Variants in PPARD observed in about 807,000 individuals in gnomAD.
PPARD encodes the protein peroxisome proliferator-activated receptor delta.
In PPARD, 6 loss-of-function variants were observed where a neutral mutation model predicts 39.5. The observed-to-expected ratio is 0.15, with a 90% CI of 0.08 to 0.30. The LOEUF is 0.30. Ranked by LOEUF, PPARD falls within the 10% of genes least tolerant of loss-of-function variation. The probability of loss-of-function intolerance (pLI) is 1.00; values close to 1 mark genes in which losing one functional copy is unlikely to be tolerated. For missense variants in PPARD, 397 were observed against 596.8 expected (o/e 0.67, Z 3.49); for synonymous variants, 210 against 231.3 (o/e 0.91, Z 0.83).
chr6:35,400,282 C>T (rs564342862), intron 2 of PPARD, among the ~76,000 whole-genome samples: 4 of 152,318 alleles, frequency 2.6e-5, no homozygotes, highest in Admixed American at 6.5e-5. Flanking sequence ...CAGCCTTCGT[C>T]CCCTCACCTA....
intron 2 of PPARD, among the ~76,000 whole-genome samples, chr6:35,391,901 G>A (rs1026056547): frequency 2.0e-5 from 3 of 151,708 alleles, no homozygotes; most frequent in African/African-American, 7.3e-5. Context: ...TTTTGTCTGG[G>A]GACAAAGCCC....
At chr6:35,382,766 G>A (rs888278832) in intron 2 of PPARD, among the ~76,000 whole-genome samples, 8 of 152,186 alleles carry the variant, frequency 5.3e-5, no homozygotes, top group Admixed American at 2.0e-4. Context: ...AGGTTGTACT[G>A]TGACCCTGGG....
In PPARD at chr6:35,401,745, C is replaced by G. The variant is rs761196328; in HGVS notation, c.-101-9242C>G. 1.3e-5 allele frequency among the ~76,000 whole-genome samples: 2 copies of G among 152,192 alleles called. No homozygotes were observed. The highest frequency in any genetic ancestry group is 2.9e-5 in the Non-Finnish European group (2 of 68,048). ...TGCTTGGCATTTGTCCTTCATAGCCCTGGTCATTGCTGGCTAATGTAGCCT... is the reference window on the plus strand; with the variant it reads ...TGCTTGGCATTTGTCCTTCATAGCCGTGGTCATTGCTGGCTAATGTAGCCT... On this transcript the variant is annotated intron_variant, in intron 2 of 7. Transcript: ENST00000360694. This position sits in a 1 kb window ranked among gnomAD's most constrained non-coding sequence, Gnocchi z 4.1.
intron 2 of PPARD, among the ~76,000 whole-genome samples, chr6:35,378,319 C>A (rs936670034): frequency 6.6e-6 from 1 of 152,086 alleles, no homozygotes; most frequent in African/African-American, 2.4e-5. Context: ...GAGGCAAGTG[C>A]TGGGAGTGGT....
intron 5 of PPARD, 47 bp downstream of exon 5, chr6:35,422,005 C>A: frequency 6.4e-7 from 1 of 1,553,090 alleles, no homozygotes; most frequent in South Asian, 1.2e-5. Flanking sequence ...TCCACACAGC[C>A]TGAAACCAAG....
At chr6:35,397,332 C>G (rs1402261456) in intron 2 of PPARD, among the ~76,000 whole-genome samples, 1 of 150,922 alleles carries the variant, frequency 6.6e-6, no homozygotes, top group African/African-American at 2.5e-5. Flanking sequence ...AAAATGAAGC[C>G]CCCCCTCCCG....
intron 2 of PPARD, among the ~76,000 whole-genome samples, chr6:35,368,190 T>G (rs1762303096): frequency 6.6e-6 from 1 of 152,236 alleles, no homozygotes; most frequent in Non-Finnish European, 1.5e-5. Context: ...CCAAGATCAC[T>G]GTGTCTTAGG....
Position 35,426,103 on chromosome 6 carries a change from A to C in PPARD, c.*24A>C. On this transcript the variant is annotated 3_prime_UTR_variant, in exon 8 of 8. Coordinates refer to ENST00000360694, the MANE Select transcript of PPARD (RefSeq NM_006238.5). ...AACGGCGGCACCCAGGCCTCCCTGC[A>C]GACTCCAATGGGGCCAGCACTGGAG... The C allele has an allele frequency of 6.2e-7, 1 of 1,604,350 alleles. No individual in the cohort carries two copies. Among genetic ancestry groups the C allele is most frequent in the Non-Finnish European group, 8.5e-7 (1 of 1,178,224 alleles).
intron 1 of PPARD, among the ~76,000 whole-genome samples, chr6:35,346,215 G>A (rs917567547): frequency 6.6e-6 from 1 of 152,142 alleles, no homozygotes; most frequent in Non-Finnish European, 1.5e-5. Context: ...GCTATATCCT[G>A]TCCCTGAGGC....
intron 2 of PPARD, among the ~76,000 whole-genome samples, chr6:35,395,800 C>T (rs917060526): frequency 1.3e-5 from 2 of 152,144 alleles, no homozygotes; most frequent in Non-Finnish European, 2.9e-5. Flanking sequence ...CTTACTGGCT[C>T]CCGGCTCCCA....
chr6:35,351,763 C>T (rs1761265170), intron 2 of PPARD, among the ~76,000 whole-genome samples: 1 of 151,524 alleles, frequency 6.6e-6, no homozygotes, highest in Non-Finnish European at 1.5e-5. Flanking sequence ...GATCTTGCTA[C>T]ATCGACCAGG....
At chr6:35,383,955 C>A (rs1298551072) in intron 2 of PPARD, among the ~76,000 whole-genome samples, 2 of 131,194 alleles carry the variant, frequency 1.5e-5, no homozygotes, top group African/African-American at 4.1e-5. Context: ...GTCAGCCCCC[C>A]CGCCAGGCCA....
intron 3 of PPARD, among the ~76,000 whole-genome samples, chr6:35,416,267 G>A (rs902776085): frequency 2.0e-5 from 3 of 150,322 alleles, no homozygotes; most frequent in Admixed American, 6.7e-5. Context: ...CCAGCTACTC[G>A]GGGGGCTGAG....
chr6:35,414,111 C>T (rs531139749), intron 3 of PPARD, among the ~76,000 whole-genome samples: 3 of 152,280 alleles, frequency 2.0e-5, no homozygotes, highest in East Asian at 3.9e-4. Context: ...AAAATAGGAA[C>T]GTGCCCATCT....
At chr6:35,384,310 G>A (rs1763413940) in intron 2 of PPARD, among the ~76,000 whole-genome samples, 1 of 140,204 alleles carries the variant, frequency 7.1e-6, no homozygotes, top group South Asian at 2.2e-4. Flanking sequence ...GAGGGAGGTC[G>A]GGGCGTCAGC....
Position 35,425,006 on chromosome 6 carries a change from CTCACACCTGTAA to C in PPARD, c.1078+230_1078+241del, listed in dbSNP as rs1442493168. The C allele has an allele frequency of 7.2e-7, 1 of 1,390,242 alleles. No homozygotes were observed. Among genetic ancestry groups the C allele is most frequent in the Non-Finnish European group, 9.3e-7 (1 of 1,072,568 alleles). The allele number at this position is 1,390,242 out of a possible 1,614,324, so 86.1% of individuals were successfully genotyped here. On this transcript the variant is annotated intron_variant, in intron 7 of 7. Transcript: ENST00000360694. The surrounding 1 kb of genome is among the most constrained non-coding windows in gnomAD (Gnocchi z 4.5). ...AAAAAGACTAAGCCAGACGTGGTGG[CTCACACCTGTAA>C]TCCCAGCACTTTGGCAGGCCGAGGC...
intron 2 of PPARD, among the ~76,000 whole-genome samples, chr6:35,357,909 A>G (rs1244302349): frequency 6.6e-6 from 1 of 152,156 alleles, no homozygotes; most frequent in African/African-American, 2.4e-5. Context: ...CAAGGCTCCT[A>G]ATCTGACACT....
intron 2 of PPARD, among the ~76,000 whole-genome samples, chr6:35,397,804 T>C (rs1032712090): frequency 2.0e-5 from 3 of 151,946 alleles, no homozygotes; most frequent in African/African-American, 7.3e-5. Flanking sequence ...GGAAGGGAGA[T>C]GGAAGTACCT....
chr6:35,387,246 C>G (rs1469863968), intron 2 of PPARD, among the ~76,000 whole-genome samples: 1 of 152,060 alleles, frequency 6.6e-6, no homozygotes, highest in Non-Finnish European at 1.5e-5. Flanking sequence ...TTGACTTGTG[C>G]TGAATTTCTG....
Sources: gnomAD v4.1 joint callset for allele counts (sites outside exome capture counted in the v4.1 genomes callset) on GRCh38, gnomAD v4.1.1 for gene constraint, Gnocchi (gnomAD v3.1) non-coding constraint, MANE v1.5 for transcripts, NCBI Gene and HGNC (gene_info 2026-07-23, HGNC 2026-07-21) for gene names.